The following KAT7 variants were observed in gnomAD, a reference collection of about 807,000 sequenced individuals.
The protein encoded by KAT7 is lysine acetyltransferase 7, also known as histone acetyltransferase KAT7.
KAT7 carries 10 observed loss-of-function variants against 82.1 expected under a neutral mutation model. The observed-to-expected ratio is 0.12, with a 90% CI of 0.08 to 0.21. The LOEUF (loss-of-function observed/expected upper bound fraction) is 0.21. Among genes scored for constraint, KAT7 ranks in the 10% least tolerant of loss-of-function variants. The pLI is 1.00. For missense variants in KAT7, 378 were observed against 760.9 expected (o/e 0.50, Z 5.92); for synonymous variants, 250 against 262.5 (o/e 0.95, Z 0.46).
At chr17:49,813,253 C>G (rs1457111145) in intron 7 of KAT7, among the ~76,000 whole-genome samples, 2 of 152,028 alleles carry the variant, frequency 1.3e-5, no homozygotes, top group African/African-American at 2.4e-5. Flanking sequence ...TTAGCTCCCA[C>G]TTATAAGTGA....
intron 8 of KAT7, among the ~76,000 whole-genome samples, chr17:49,816,187 T>A (rs1373394013): frequency 6.6e-6 from 1 of 152,114 alleles, no homozygotes; most frequent in Non-Finnish European, 1.5e-5. Flanking sequence ...GATAAAACCA[T>A]AGGCGCCCCT....
chr17:49,824,973 C>T lies in KAT7; in HGVS notation c.1481-1027C>T, dbSNP rs142620900. 7.9e-5 allele frequency among the ~76,000 whole-genome samples: 12 copies of T among 151,486 alleles called. No individual in the cohort carries two copies. In the East Asian group the frequency reaches 1.9e-3, roughly 24 times the overall value. On this transcript the variant is annotated intron_variant, in intron 12 of 14. Coordinates refer to ENST00000259021, the MANE Select transcript of KAT7 (RefSeq NM_007067.5). ...CATAAATTGTGATATTCAAATTTCC[C>T]TGGTGTGATTTTGTTCTTTTTTTTA...
chr17:49,826,189 A>G, intron 13 of KAT7, 43 bp downstream of exon 13: 1 of 1,579,992 alleles, frequency 6.3e-7, no homozygotes, highest in Middle Eastern at 1.7e-4. Context: ...TTACCCAAGA[A>G]GTTAACTCTA....
rs2074447207 is a variant in KAT7, at chr17:49,834,442, A to G, written c.*6940A>G. ...TTACAGGCATGAGCCGCTGCGCCCA[A>G]CCTTCTTCTGCTGTCGAGATACTGC... is the stretch of plus-strand genomic sequence containing the variant. On this transcript the variant is annotated 3_prime_UTR_variant, in exon 15 of 15. Coordinates refer to ENST00000259021, the MANE Select transcript of KAT7 (RefSeq NM_007067.5). The G allele has an allele frequency of 6.6e-6, 1 of 152,268 alleles. No individual in the cohort carries two copies. The highest frequency in any genetic ancestry group is 1.9e-4 in the East Asian group (1 of 5,164). The allele number at this position is 152,268 out of a possible 1,614,324, so 9.4% of individuals were successfully genotyped here.
chr17:49,809,039 C>G, intron 5 of KAT7, 80 bp from the exon 6 acceptor site: 2 of 1,049,826 alleles, frequency 1.9e-6, no homozygotes, highest in Non-Finnish European at 2.9e-6. Context: ...AAATCCAAGG[C>G]ATTATCATTG....
intron 3 of KAT7, among the ~76,000 whole-genome samples, chr17:49,797,928 C>A (rs2073977396): frequency 6.6e-6 from 1 of 152,206 alleles, no homozygotes; most frequent in South Asian, 2.1e-4. Flanking sequence ...CCATTCACAT[C>A]TTACACCAAG....
intron 7 of KAT7, chr17:49,815,376 G>A (rs2074221636): frequency 1.3e-5 from 2 of 152,888 alleles, no homozygotes; most frequent in African/African-American, 4.8e-5. Flanking sequence ...TAGAAAATCT[G>A]GTTTTTGTTT....
chr17:49,813,226 C>G (rs2074192073), intron 7 of KAT7, among the ~76,000 whole-genome samples: 1 of 151,964 alleles, frequency 6.6e-6, no homozygotes, highest in Non-Finnish European at 1.5e-5. Context: ...TTCTTTGTGT[C>G]CCTCTGTACC....
intron 5 of KAT7, among the ~76,000 whole-genome samples, chr17:49,808,481 C>T (rs1207027166): frequency 1.3e-5 from 2 of 149,758 alleles, no homozygotes; most frequent in South Asian, 2.1e-4. Context: ...GACAGAGTCT[C>T]ACTCTGTTGT....
At chr17:49,819,810 C>T (rs1412208602) in intron 9 of KAT7, among the ~76,000 whole-genome samples, 2 of 152,130 alleles carry the variant, frequency 1.3e-5, no homozygotes, top group Non-Finnish European at 2.9e-5. Context: ...TGGGAAGAGC[C>T]AGCATGAGTA....
At chr17:49,789,540 G>T (rs541321162) in intron 1 of KAT7, 2 of 152,358 alleles carry the variant, frequency 1.3e-5, no homozygotes, top group Non-Finnish European at 2.9e-5. Context: ...GCACTTAGAA[G>T]ATCACCCAGG....
intron 9 of KAT7, among the ~76,000 whole-genome samples, chr17:49,818,704 G>A (rs183852082): frequency 2.7e-5 from 4 of 150,668 alleles, no homozygotes; most frequent in African/African-American, 7.3e-5. Context: ...AGGGGAAGGA[G>A]TAGAGATTAG....
At chr17:49,795,969 G>A (rs1239915042) in intron 2 of KAT7, among the ~76,000 whole-genome samples, 3 of 147,332 alleles carry the variant, frequency 2.0e-5, no homozygotes, top group Non-Finnish European at 4.5e-5. Flanking sequence ...GATTAAACAT[G>A]TCTCTTTATA....
rs372806571 is a variant in KAT7, at chr17:49,788,831, G to A, written c.-4G>A. 6.2e-5 allele frequency: 99 copies of A among 1,585,540 alleles called. No homozygotes were observed. Among genetic ancestry groups the A allele is most frequent in the Non-Finnish European group, 8.2e-5 (96 of 1,165,172 alleles). ...TCGGAACCGTCGGGCCGCAGCCGCCGGCAATGCCGCGAAGGAAGGTGAGAA... is the reference window on the plus strand; with the variant it reads ...TCGGAACCGTCGGGCCGCAGCCGCCAGCAATGCCGCGAAGGAAGGTGAGAA... On this transcript the variant is annotated 5_prime_UTR_variant, in exon 1 of 15. Coordinates refer to ENST00000259021, the MANE Select transcript of KAT7 (RefSeq NM_007067.5).
intron 4 of KAT7, among the ~76,000 whole-genome samples, chr17:49,803,878 C>A (rs945951917): frequency 1.3e-5 from 2 of 151,072 alleles, no homozygotes; most frequent in Non-Finnish European, 2.9e-5. Flanking sequence ...TTCTTTACCC[C>A]AAATTAAATG....
chr17:49,808,460 T>G (rs2074119706), intron 5 of KAT7, among the ~76,000 whole-genome samples: 1 of 150,758 alleles, frequency 6.6e-6, no homozygotes, highest in Non-Finnish European at 1.5e-5. Context: ...TTTCTTTTTT[T>G]TTTTTTTTAA....
chr17:49,809,181 C>T lies in KAT7; in HGVS notation c.726C>T (p.Asp242=), dbSNP rs1035683546. ...GGATGCTGTCTCACAGGCAAGATGA[C>T]AACAACAGGCATGCAACCAGGCACC... ...EERMLSHRQD[D]NNRHATRHQA... is the part of the protein sequence containing the mutation. Residue 242 remains aspartate (D), a synonymous_variant, in exon 6 of 15, where the codon GAC becomes GAT. Coordinates refer to ENST00000259021, the MANE Select transcript of KAT7 (RefSeq NM_007067.5). 5.6e-6 allele frequency: 9 copies of T among 1,614,104 alleles called. No homozygotes were observed. The highest frequency in any genetic ancestry group is 7.6e-6 in the Non-Finnish European group (9 of 1,179,966).
intron 11 of KAT7, among the ~76,000 whole-genome samples, chr17:49,822,854 T>G (rs1480611480): frequency 6.6e-6 from 1 of 152,186 alleles, no homozygotes; most frequent in African/African-American, 2.4e-5. Flanking sequence ...GGTGTTTCCT[T>G]CCCTTCTCTT....
At chr17:49,812,108 C>T (rs2046413589) in intron 7 of KAT7, among the ~76,000 whole-genome samples, 1 of 152,080 alleles carries the variant, frequency 6.6e-6, no homozygotes, top group African/African-American at 2.4e-5. Context: ...AAAACAAATC[C>T]TACTACCTAA....
Sources: allele counts gnomAD v4.1 joint callset (sites outside exome capture counted in the v4.1 genomes callset), GRCh38; gene constraint gnomAD v4.1.1; transcripts MANE v1.5; gene names NCBI Gene and HGNC (gene_info 2026-07-23, HGNC 2026-07-21).